Variants in RIMS1 observed in about 807,000 individuals in gnomAD.
The protein encoded by RIMS1 is regulating synaptic membrane exocytosis 1.
Under a neutral mutation model 214.1 loss-of-function variants are expected in RIMS1, and 83 were observed. The observed-to-expected ratio is 0.39, with a 90% CI of 0.32 to 0.47. The LOEUF (loss-of-function observed/expected upper bound fraction) is 0.47. Ranked by LOEUF, RIMS1 falls within the 20% of genes least tolerant of loss-of-function variation. RIMS1 has a pLI of 0.99. For synonymous variants in RIMS1, 793 were observed against 786.8 expected, an observed-to-expected ratio of 1.01 and a Z score of -0.13; for missense variants, 2,050 against 2,161.8, an observed-to-expected ratio of 0.95 and a Z score of 1.03.
chr6:72,022,851 G>T (rs1363416122), intron 2 of RIMS1, among the ~76,000 whole-genome samples: 2 of 152,168 alleles, frequency 1.3e-5, no homozygotes, highest in African/African-American at 4.8e-5. Flanking sequence ...GGAGGACACA[G>T]TGGGGAGGAG....
At chr6:71,969,302 T>C (rs1795227687) in intron 2 of RIMS1, among the ~76,000 whole-genome samples, 1 of 152,208 alleles carries the variant, frequency 6.6e-6, no homozygotes, top group Non-Finnish European at 1.5e-5. Flanking sequence ...GACAGTTTTC[T>C]TAGGGCTCTA....
chr6:72,262,230 A>G (rs1340989072), intron 19 of RIMS1: 2 of 786,610 alleles, frequency 2.5e-6, no homozygotes, highest in African/African-American at 3.8e-5. Flanking sequence ...CTTATATAAT[A>G]TTATATAATA....
At chr6:72,179,954 T>C (rs1371909423) in intron 5 of RIMS1, 39 bp downstream of exon 5, 1 of 1,336,974 alleles carries the variant, frequency 7.5e-7, no homozygotes, top group Middle Eastern at 1.9e-4. Context: ...AGGCAAGATT[T>C]TGCTAGGAGA....
chr6:72,328,767 A>G (rs756482242), intron 28 of RIMS1, among the ~76,000 whole-genome samples: 3 of 151,698 alleles, frequency 2.0e-5, no homozygotes, highest in Non-Finnish European at 4.4e-5. Flanking sequence ...TATGCACAAT[A>G]TATTTCTTGA....
At chr6:72,362,968 A>G (rs951536448) in intron 29 of RIMS1, among the ~76,000 whole-genome samples, 1 of 152,200 alleles carries the variant, frequency 6.6e-6, no homozygotes, top group Non-Finnish European at 1.5e-5. Flanking sequence ...CAGGACAGAC[A>G]TGGTCCTTAC....
intron 29 of RIMS1, among the ~76,000 whole-genome samples, chr6:72,339,670 C>A (rs1389303154): frequency 1.9e-4 from 29 of 151,650 alleles, no homozygotes; most frequent in African/African-American, 6.0e-4. Flanking sequence ...ACATTTTCTT[C>A]ATCCAGTCTA....
intron 29 of RIMS1, among the ~76,000 whole-genome samples, chr6:72,381,657 A>G (rs1595871394): frequency 1.3e-5 from 2 of 152,386 alleles, no homozygotes; most frequent in South Asian, 4.1e-4. Context: ...TACTTTCAAT[A>G]GCTCAGCGAA....
intron 28 of RIMS1, among the ~76,000 whole-genome samples, chr6:72,326,214 A>G (rs1331465941): frequency 6.6e-6 from 1 of 151,878 alleles, no homozygotes; most frequent in Non-Finnish European, 1.5e-5. Context: ...AATTGTTTTT[A>G]AGCTAAGTTT....
intron 23 of RIMS1, among the ~76,000 whole-genome samples, chr6:72,276,430 C>T (rs1041614786): frequency 3.3e-5 from 5 of 152,066 alleles, no homozygotes; most frequent in Middle Eastern, 3.4e-3. Flanking sequence ...CTTACATACA[C>T]GAGATGTTAT....
At chr6:72,346,625 A>G (rs1258588772) in intron 29 of RIMS1, among the ~76,000 whole-genome samples, 2 of 151,742 alleles carry the variant, frequency 1.3e-5, no homozygotes, top group Admixed American at 6.6e-5. Context: ...CCTTCACTCT[A>G]TTAGGTTAGA....
chr6:72,098,483 C>CGGG (rs1166855257), intron 3 of RIMS1, among the ~76,000 whole-genome samples: 1 of 151,788 alleles, frequency 6.6e-6, no homozygotes, highest in Non-Finnish European at 1.5e-5. Flanking sequence ...TCAGTAGAGA[C>CGGG]GGGGTTTCAC....
chr6:72,346,266 C>T (rs553529567), intron 29 of RIMS1, among the ~76,000 whole-genome samples: 18 of 151,900 alleles, frequency 1.2e-4, no homozygotes, highest in African/African-American at 4.3e-4. Context: ...TCAGTGACAT[C>T]GTTCATGAAT....
intron 2 of RIMS1, among the ~76,000 whole-genome samples, chr6:72,044,182 AG>A (rs1217514894): frequency 6.6e-6 from 1 of 151,812 alleles, no homozygotes; most frequent in African/African-American, 2.4e-5. Context: ...CAGCTACAAA[AG>A]AAAACAACAA....
intron 23 of RIMS1, among the ~76,000 whole-genome samples, chr6:72,276,768 A>T (rs1248405822): frequency 6.6e-6 from 1 of 152,186 alleles, no homozygotes; most frequent in Non-Finnish European, 1.5e-5. Flanking sequence ...AATTATGTCC[A>T]CTAATGCTAC....
chr6:72,243,313 A>T (rs1052471528), intron 10 of RIMS1, among the ~76,000 whole-genome samples: 3 of 151,766 alleles, frequency 2.0e-5, no homozygotes, highest in African/African-American at 7.2e-5. Flanking sequence ...AGAAGATATA[A>T]TTATCATAAT....
At chr6:72,314,887 C>T (rs900301094) in intron 28 of RIMS1, among the ~76,000 whole-genome samples, 1 of 151,984 alleles carries the variant, frequency 6.6e-6, no homozygotes, top group African/African-American at 2.4e-5. Context: ...TGTTTGTATT[C>T]ACTGTAGAGC....
At position 72,183,012 on chromosome 6, in the gene RIMS1, C is replaced by T; in HGVS notation, c.1541C>T (p.Pro514Leu). The change falls in exon 6 of 34, where the codon CCC (proline) becomes CTC (leucine). Residue 514 changes from proline to leucine, a missense_variant. By Grantham distance (98) the Pro-to-Leu change is moderately conservative. Transcript: ENST00000521978. Reference sequence around the variant, plus strand: ...TCCGAGTCGGTGCGGCCGTCCCCGCCCAAGCCGCACCGGTCCAAGAGAGGC... The same window carrying T: ...TCCGAGTCGGTGCGGCCGTCCCCGCTCAAGCCGCACCGGTCCAAGAGAGGC... The part of the protein sequence containing the change: ...DQSESVRPSP[P>L]KPHRSKRGGK... 1 of 1,598,424 alleles carries T rather than the reference C, an allele frequency of 6.3e-7. No homozygotes were observed. The highest frequency in any genetic ancestry group is 1.1e-5 in the South Asian group (1 of 88,238).
chr6:71,890,563 C>CT (rs1769358178), intron 1 of RIMS1, among the ~76,000 whole-genome samples: 1 of 73,078 alleles, frequency 1.4e-5, no homozygotes. Context: ...GATCTTACTC[C>CT]TTTTTGTAAA....
chr6:71,995,388 G>A (rs1390232594), intron 2 of RIMS1, among the ~76,000 whole-genome samples: 2 of 151,720 alleles, frequency 1.3e-5, no homozygotes, highest in Non-Finnish European at 2.9e-5. Flanking sequence ...TTACAGTGAT[G>A]CAGTATGAAC....
Sources: allele counts gnomAD v4.1 joint callset (sites outside exome capture counted in the v4.1 genomes callset), GRCh38; gene constraint gnomAD v4.1.1; transcripts MANE v1.5; gene names NCBI Gene and HGNC (gene_info 2026-07-23, HGNC 2026-07-21).